The following PIBF1 variants were observed in gnomAD, a reference collection of about 807,000 sequenced individuals.
PIBF1 encodes progesterone immunomodulatory binding factor 1.
A neutral mutation model predicts 112.5 loss-of-function variants in PIBF1; 90 were observed. That is an observed-to-expected ratio of 0.80 (90% CI 0.67 to 0.95). The LOEUF (loss-of-function observed/expected upper bound fraction) is 0.95, where lower values mean the gene tolerates loss of function less well. Among genes scored for constraint, PIBF1 ranks in the 40% least tolerant of loss-of-function variants. PIBF1 has a pLI of 0.00. For missense variants in PIBF1, 915 were observed against 852.3 expected (o/e 1.07, Z -0.92); for synonymous variants, 301 against 288.6 (o/e 1.04, Z -0.44).
At chr13:72,984,109 G>C (rs1042393994) in intron 16 of PIBF1, among the ~76,000 whole-genome samples, 1 of 152,040 alleles carries the variant, frequency 6.6e-6, no homozygotes, top group African/African-American at 2.4e-5. Context: ...GTAAGGGTGT[G>C]TGACTTCAGG....
rs182713341 is a variant in PIBF1, at chr13:72,967,573, C to T, written c.1964+2169C>T. On this transcript the variant is annotated intron_variant, in intron 15 of 17. Transcript: ENST00000326291. ...CTCCTAACCATTAGGTTATACTGCC[C>T]CTCTATGTTCTATTCTGAATAAGGG... Among the ~76,000 whole-genome samples, 12 of 152,098 alleles carry T rather than the reference C, an allele frequency of 7.9e-5. No individual in the cohort carries two copies. The East Asian group carries it at 2.3e-3, about 29-fold the overall frequency.
intron 10 of PIBF1, among the ~76,000 whole-genome samples, chr13:72,887,419 G>A (rs933905922): frequency 6.6e-6 from 1 of 151,634 alleles, no homozygotes; most frequent in South Asian, 2.1e-4. Context: ...TATAGATTGG[G>A]TATAATAGGG....
In PIBF1 at chr13:72,818,446, C is replaced by T. The variant is rs139022757; in HGVS notation, c.673-3403C>T. Among the ~76,000 whole-genome samples the T allele has an allele frequency of 6.6e-4, 101 of 152,224 alleles. 1 individual carries two copies. The East Asian group carries it at 0.019, about 29-fold the overall frequency. ...AGTGATTGCCTTTTCTCCATTTTAA[C>T]ACTCAGTCTTATAGCCCACATTTGG... On this transcript the variant is annotated intron_variant, in intron 5 of 17. Coordinates refer to ENST00000326291, the MANE Select transcript of PIBF1 (RefSeq NM_006346.4).
chr13:72,842,369 G>A (rs570218471), intron 9 of PIBF1, among the ~76,000 whole-genome samples: 1 of 152,264 alleles, frequency 6.6e-6, no homozygotes, highest in East Asian at 1.9e-4. Flanking sequence ...GTTTGAAAGG[G>A]GGTAGGCAGT....
chr13:72,793,100 A>G (rs1430964524), intron 3 of PIBF1, among the ~76,000 whole-genome samples: 2 of 152,232 alleles, frequency 1.3e-5, no homozygotes, highest in African/African-American at 4.8e-5. Context: ...AATCCATATA[A>G]GATACCTTCA....
chr13:72,967,545 A>G (rs557982325), intron 15 of PIBF1, among the ~76,000 whole-genome samples: 2 of 152,258 alleles, frequency 1.3e-5, no homozygotes, highest in African/African-American at 4.8e-5. Context: ...TGCTAATTCT[A>G]TTCTCCTAAC....
intron 10 of PIBF1, among the ~76,000 whole-genome samples, chr13:72,870,088 C>T (rs1034471234): frequency 6.6e-6 from 1 of 152,100 alleles, no homozygotes; most frequent in Non-Finnish European, 1.5e-5. Flanking sequence ...TTGTACATGA[C>T]ATACAATTCC....
intron 15 of PIBF1, among the ~76,000 whole-genome samples, chr13:72,966,106 C>G (rs925109221): frequency 1.3e-5 from 2 of 151,864 alleles, no homozygotes; most frequent in African/African-American, 4.8e-5. Context: ...AAATTATTAA[C>G]TGATTATCAA....
intron 10 of PIBF1, among the ~76,000 whole-genome samples, chr13:72,856,995 A>G (rs934795686): frequency 4.6e-5 from 7 of 152,238 alleles, no homozygotes; most frequent in Non-Finnish European, 8.8e-5. Context: ...GGTAGTGTAC[A>G]TAGAGAACTA....
intron 14 of PIBF1, among the ~76,000 whole-genome samples, chr13:72,953,535 C>T (rs2042360265): frequency 6.6e-6 from 1 of 152,166 alleles, no homozygotes; most frequent in Non-Finnish European, 1.5e-5. Flanking sequence ...AGCACCAGTT[C>T]TGATGGGGGT....
intron 16 of PIBF1, among the ~76,000 whole-genome samples, chr13:72,974,537 A>G (rs553163409): frequency 7.9e-5 from 12 of 152,316 alleles, no homozygotes; most frequent in African/African-American, 2.2e-4. Flanking sequence ...ATACAGATGT[A>G]TAATATATTG....
chr13:72,942,456 G>C (rs1487416632), intron 14 of PIBF1, among the ~76,000 whole-genome samples: 1 of 151,890 alleles, frequency 6.6e-6, no homozygotes, highest in Non-Finnish European at 1.5e-5. Flanking sequence ...TTTTTCTTCT[G>C]TTTCAATGCC....
At chr13:73,001,146 A>G (rs190410502) in intron 17 of PIBF1, among the ~76,000 whole-genome samples, 7 of 152,298 alleles carry the variant, frequency 4.6e-5, no homozygotes, top group African/African-American at 1.7e-4. Context: ...GTTCTTATCT[A>G]TAAAATTAAG....
chr13:72,805,750 G>T (rs2138028250), intron 5 of PIBF1, among the ~76,000 whole-genome samples: 1 of 152,282 alleles, frequency 6.6e-6, no homozygotes, highest in African/African-American at 2.4e-5. Flanking sequence ...ACTTGAAGTA[G>T]GTGTAATTGC....
At chr13:72,814,086 TCAAAC>T (rs2036150331) in intron 5 of PIBF1, among the ~76,000 whole-genome samples, 1 of 152,132 alleles carries the variant, frequency 6.6e-6, no homozygotes, top group Non-Finnish European at 1.5e-5. Context: ...ATTATGACCT[TCAAAC>T]CAAGCCCAGC....
chr13:72,995,227 G>C (rs1407824247), intron 16 of PIBF1, among the ~76,000 whole-genome samples: 1 of 149,354 alleles, frequency 6.7e-6, no homozygotes, highest in Non-Finnish European at 1.5e-5. Context: ...CTTGAACCTG[G>C]GAGGCAGAGG....
chr13:72,925,542 C>CTTTTTTT lies in PIBF1; in HGVS notation c.1731-5608_1731-5602dup, dbSNP rs59074858. On this transcript the variant is annotated intron_variant, in intron 13 of 17. Transcript: ENST00000326291. ...TTTTTTTCCTTTTTTCTTTCTCTCT[C>CTTTTTTT]TTTTTTTTTTTTTTTTTTTTTGAGA... Among the ~76,000 whole-genome samples, 93 of 102,030 alleles carry CTTTTTTT rather than the reference C, an allele frequency of 9.1e-4. 1 individual carries two copies. Among genetic ancestry groups the CTTTTTTT allele is most frequent in the Non-Finnish European group, 1.1e-3 (57 of 53,500 alleles). The allele number at this position is 102,030 out of a possible 152,430, so 66.9% of individuals were successfully genotyped here.
At chr13:72,928,991 T>A (rs1384443344) in intron 13 of PIBF1, among the ~76,000 whole-genome samples, 1 of 152,238 alleles carries the variant, frequency 6.6e-6, no homozygotes, top group Non-Finnish European at 1.5e-5. Flanking sequence ...ACTCTAGTTC[T>A]GTGTAATTGC....
chr13:72,811,334 G>A (rs559322336), intron 5 of PIBF1, among the ~76,000 whole-genome samples: 6 of 152,198 alleles, frequency 3.9e-5, no homozygotes, highest in African/African-American at 1.4e-4. Context: ...TGGGCACCAT[G>A]ACTCACTGCT....
Sources: gnomAD v4.1 joint callset for allele counts (sites outside exome capture counted in the v4.1 genomes callset) on GRCh38, gnomAD v4.1.1 for gene constraint, MANE v1.5 for transcripts, NCBI Gene and HGNC (gene_info 2026-07-23, HGNC 2026-07-21) for gene names.